The following CACNA2D1 variants were observed in gnomAD, a reference collection of about 807,000 sequenced individuals.
CACNA2D1 encodes voltage-dependent calcium channel subunit alpha-2/delta-1.
In CACNA2D1, 53 loss-of-function variants were observed where a neutral mutation model predicts 171.5. That is an observed-to-expected ratio of 0.31 (90% confidence interval 0.25 to 0.39). The LOEUF (loss-of-function observed/expected upper bound fraction) is 0.39. Ranked by LOEUF, CACNA2D1 falls within the 10% of genes least tolerant of loss-of-function variation. CACNA2D1 has a pLI of 1.00. For missense variants in CACNA2D1, 903 were observed against 1,299.8 expected (o/e 0.69, Z 4.69); for synonymous variants, 442 against 443.1 (o/e 1.00, Z 0.03).
intron 1 of CACNA2D1, among the ~76,000 whole-genome samples, chr7:82,398,864 C>T (rs1826028898): frequency 6.6e-6 from 1 of 151,884 alleles, no homozygotes; most frequent in Non-Finnish European, 1.5e-5. Flanking sequence ...CAGGCATGAG[C>T]CACCACACCC....
At chr7:82,217,906 C>CATTATTTATTTATT (rs1801330869) in intron 3 of CACNA2D1, among the ~76,000 whole-genome samples, 1 of 115,742 alleles carries the variant, frequency 8.6e-6, no homozygotes, top group South Asian at 2.8e-4. Context: ...TTCACCAAGA[C>CATTATTTATTTATT]TACATTATTT....
intron 12 of CACNA2D1, among the ~76,000 whole-genome samples, chr7:82,019,189 A>G (rs1800875792): frequency 6.6e-6 from 1 of 151,208 alleles, no homozygotes; most frequent in South Asian, 2.1e-4. Context: ...GCATGGTGGC[A>G]CACACCTGTA....
In CACNA2D1 at chr7:82,414,739, A is replaced by T. The variant is rs574432932; in HGVS notation, c.95+28626T>A. ...ATATCTTCTTCAAGAAGTTGAACTT[A>T]ACACTCAACAGCCAGCACTAACAGC... On this transcript the variant is annotated intron_variant, in intron 1 of 38. Coordinates refer to ENST00000356860, the MANE Select transcript of CACNA2D1 (RefSeq NM_000722.4). Among the ~76,000 whole-genome samples the T allele has an allele frequency of 3.1e-4, 47 of 152,332 alleles. No homozygotes were observed. The South Asian group carries it at 9.5e-3, about 31-fold the overall frequency.
chr7:81,972,752 G>A (rs189182502), intron 25 of CACNA2D1, among the ~76,000 whole-genome samples: 4 of 151,918 alleles, frequency 2.6e-5, no homozygotes, highest in African/African-American at 7.2e-5. Flanking sequence ...GCACATTTAC[G>A]ACAAAATTTG....
intron 3 of CACNA2D1, among the ~76,000 whole-genome samples, chr7:82,281,465 T>C (rs914013513): frequency 6.6e-6 from 1 of 152,192 alleles, no homozygotes; most frequent in Non-Finnish European, 1.5e-5. Context: ...TATAATTTTT[T>C]CACCCAAATT....
chr7:82,032,689 CAATCAGGTTTTA>C (rs1207833556), intron 12 of CACNA2D1, 96 bp downstream of exon 12: 1 of 624,674 alleles, frequency 1.6e-6, no homozygotes, highest in Non-Finnish European at 2.8e-6. Context: ...ATAATTGGCA[CAATCAGGTTTTA>C]AATCAAAAAT....
At chr7:82,323,263 T>C (rs1442004630) in intron 3 of CACNA2D1, among the ~76,000 whole-genome samples, 1 of 151,294 alleles carries the variant, frequency 6.6e-6, no homozygotes, top group Non-Finnish European at 1.5e-5. Context: ...TGCTATGTTG[T>C]TAAAAAAAAA....
At chr7:82,195,080 A>G (rs1798717915) in intron 3 of CACNA2D1, among the ~76,000 whole-genome samples, 1 of 152,012 alleles carries the variant, frequency 6.6e-6, no homozygotes, top group African/African-American at 2.4e-5. Context: ...TTTATATTTT[A>G]TCTCAACTCA....
At chr7:82,233,503 C>T (rs896775438) in intron 3 of CACNA2D1, among the ~76,000 whole-genome samples, 1 of 151,904 alleles carries the variant, frequency 6.6e-6, no homozygotes, top group Non-Finnish European at 1.5e-5. Context: ...AATTCTGTGA[C>T]CTTTATTGAA....
In CACNA2D1 at chr7:82,084,121, GAATT is replaced by G. The variant is rs967139204; in HGVS notation, c.658+644_658+647del. 7.2e-5 allele frequency among the ~76,000 whole-genome samples: 11 copies of G among 152,068 alleles called. No homozygotes were observed. The East Asian group carries it at 1.5e-3, about 21-fold the overall frequency. ...TCAATAGGTTTTCAGGATGTCCTAGGAATTAATTTTTCATTTTGTTATAGAAATT... is the reference window on the plus strand; with the variant it reads ...TCAATAGGTTTTCAGGATGTCCTAGGAATTTTTCATTTTGTTATAGAAATT... On this transcript the variant is annotated intron_variant, in intron 7 of 38. Coordinates refer to ENST00000356860, the MANE Select transcript of CACNA2D1 (RefSeq NM_000722.4).
intron 3 of CACNA2D1, among the ~76,000 whole-genome samples, chr7:82,184,420 C>T (rs1350475459): frequency 1.3e-5 from 2 of 151,878 alleles, no homozygotes; most frequent in African/African-American, 4.8e-5. Flanking sequence ...TTCTAGAGAA[C>T]ATGATTTTTT....
At chr7:82,414,613 T>C (rs1827992252) in intron 1 of CACNA2D1, among the ~76,000 whole-genome samples, 1 of 152,198 alleles carries the variant, frequency 6.6e-6, no homozygotes, top group Non-Finnish European at 1.5e-5. Context: ...GTAAACATAG[T>C]GTCAAGTCCT....
At chr7:81,952,165 T>C (rs1420363414) in intron 38 of CACNA2D1, among the ~76,000 whole-genome samples, 1 of 151,896 alleles carries the variant, frequency 6.6e-6, no homozygotes, top group African/African-American at 2.4e-5. Flanking sequence ...TTTGCCCACT[T>C]TCTGATGGGA....
intron 6 of CACNA2D1, among the ~76,000 whole-genome samples, chr7:82,102,575 C>T (rs571683338): frequency 7.2e-5 from 11 of 152,166 alleles, no homozygotes; most frequent in South Asian, 4.1e-4. Flanking sequence ...ACTCATCCTA[C>T]AACCCACTGC....
chr7:82,179,789 G>A (rs1796926137), intron 3 of CACNA2D1, among the ~76,000 whole-genome samples: 3 of 151,996 alleles, frequency 2.0e-5, no homozygotes, highest in Admixed American at 1.3e-4. Context: ...TAAGGGGTAA[G>A]TATGATATGT....
rs370937261 is a variant in CACNA2D1 at position 81,983,370 on chromosome 7, CA to C, written c.1874-37del. 12,265 of 1,279,354 alleles carry C rather than the reference CA, an allele frequency of 9.6e-3. 1 individual carries two copies. Among genetic ancestry groups the C allele is most frequent in the Middle Eastern group, 0.012 (56 of 4,848 alleles). The allele number at this position is 1,279,354 out of a possible 1,614,324, so 79.3% of individuals were successfully genotyped here. On this transcript the variant is annotated intron_variant, in intron 22 of 38. Transcript: ENST00000356860. ...CCATCAGAAAGAGAAAGCAGGGAAA[CA>C]AAAAAAAAAGAGGGTAAAGCAAAGG...
At chr7:82,158,200 AAT>A (rs746101088) in intron 4 of CACNA2D1, among the ~76,000 whole-genome samples, 8 of 148,640 alleles carry the variant, frequency 5.4e-5, no homozygotes, top group Admixed American at 1.3e-4. Context: ...TAATGTTTAT[AAT>A]ATATGTTTCC....
intron 1 of CACNA2D1, among the ~76,000 whole-genome samples, chr7:82,409,290 T>A (rs2129454232): frequency 6.6e-6 from 1 of 152,284 alleles, no homozygotes; most frequent in East Asian, 1.9e-4. Context: ...CATTTTAAAA[T>A]GTTTTTTCTG....
At position 82,246,697 on chromosome 7, in the gene CACNA2D1, T is replaced by G. The variant is rs147549193; in HGVS notation, c.295-76088A>C. Among the ~76,000 whole-genome samples, 212 of 152,292 alleles carry G rather than the reference T, an allele frequency of 1.4e-3. 1 individual carries two copies. The highest frequency in any genetic ancestry group is 4.7e-3 in the African/African-American group (196 of 41,550). Reference sequence around the variant, plus strand: ...GTTCACCCAATAGCTAGTTGTTCTGTAAAAGTGTTTTACACTTAAAAGCAG... The same window carrying G: ...GTTCACCCAATAGCTAGTTGTTCTGGAAAAGTGTTTTACACTTAAAAGCAG... On this transcript the variant is annotated intron_variant, in intron 3 of 38. Transcript: ENST00000356860.
Sources: allele counts gnomAD v4.1 joint callset (sites outside exome capture counted in the v4.1 genomes callset), GRCh38; gene constraint gnomAD v4.1.1; transcripts MANE v1.5; gene names NCBI Gene and HGNC (gene_info 2026-07-23, HGNC 2026-07-21).